The following DIS3 variants were observed in gnomAD, a reference collection of about 807,000 sequenced individuals.
DIS3 encodes the protein exosome complex exonuclease RRP44.
A neutral mutation model predicts 113.0 loss-of-function variants in DIS3; 103 were observed. The observed-to-expected ratio is 0.91, with a 90% CI of 0.78 to 1.07. The LOEUF (loss-of-function observed/expected upper bound fraction) is 1.07, where lower values mean the gene tolerates loss of function less well. Ranked by LOEUF, DIS3 falls within the 50% of genes least tolerant of loss-of-function variation. The probability of loss-of-function intolerance (pLI) is 0.00; values close to 1 mark genes in which losing one functional copy is unlikely to be tolerated. For synonymous variants in DIS3, 402 were observed against 394.3 expected, an observed-to-expected ratio of 1.02 and a Z score of -0.23; for missense variants, 1,121 against 1,167.1, an observed-to-expected ratio of 0.96 and a Z score of 0.58.
In DIS3 at chr13:72,755,156, C is replaced by G; in HGVS notation, c.*4639G>C. 1 of 1,613,656 alleles carries G rather than the reference C, an allele frequency of 6.2e-7. No individual in the cohort carries two copies. Among genetic ancestry groups the G allele is most frequent in the Non-Finnish European group, 8.5e-7 (1 of 1,179,740 alleles). ...TATTGTCTTCTTTTTCACAGCAAGA[C>G]CACACAACACAGAGGTGTTGGATGA... On this transcript the variant is annotated 3_prime_UTR_variant, in exon 21 of 21. Coordinates refer to ENST00000377767, the MANE Select transcript of DIS3 (RefSeq NM_014953.5).
At chr13:72,761,860 T>C (rs2033634051) in intron 17 of DIS3, 46 bp from the exon 18 acceptor site, 1 of 1,611,896 alleles carries the variant, frequency 6.2e-7, no homozygotes. Flanking sequence ...AGTACTAATA[T>C]GTGCTTTTAA....
At chr13:72,763,631 C>T (rs1487108748) in intron 15 of DIS3, 24 bp from the exon 16 acceptor site, 19 of 1,590,356 alleles carry the variant, frequency 1.2e-5, no homozygotes, top group Non-Finnish European at 1.5e-5. Flanking sequence ...AAGCATTAAA[C>T]AAACAAAAAA....
chr13:72,772,774 A>G lies in DIS3; in HGVS notation c.1305T>C (p.Leu435=). The change falls in exon 9 of 21, where the codon CTT becomes CTC. Residue 435 remains leucine (L), a synonymous_variant. Transcript: ENST00000377767. ...EKETETEVLL[L]EHDVPHQPFS... Reference sequence around the variant, plus strand: ...AAGGCTGATGGGGAACATCGTGTTCAAGTAACAAAACTTCTGTTTCAGTCT... The same window carrying G: ...AAGGCTGATGGGGAACATCGTGTTCGAGTAACAAAACTTCTGTTTCAGTCT... The G allele has an allele frequency of 6.2e-7, 1 of 1,613,460 alleles. No individual in the cohort carries two copies. The highest frequency in any genetic ancestry group is 8.5e-7 in the Non-Finnish European group (1 of 1,179,860).
At position 72,754,560 on chromosome 13, in the gene DIS3, T is replaced by C. The variant is rs182244615; in HGVS notation, c.*5235A>G. The C allele has an allele frequency of 6.6e-6, 1 of 152,300 alleles. No individual in the cohort carries two copies. The highest frequency in any genetic ancestry group is 1.9e-4 in the East Asian group (1 of 5,186). 9.4% of individuals were successfully genotyped at this position (152,300 alleles called of 1,614,324 possible). The stretch of plus-strand genomic sequence containing the variant: ...ATAGGGAGGCCACCTTAGTTTTCCT[T>C]TCTGTTGTATGTAGTAGGAGCAAAC... On this transcript the variant is annotated 3_prime_UTR_variant, in exon 21 of 21. Transcript: ENST00000377767.
In DIS3 at chr13:72,770,949, A is replaced by G. The variant is rs374580007; in HGVS notation, c.1710T>C (p.Ala570=). Residue 570 remains alanine, a synonymous_variant, in exon 13 of 21, where the codon GCT becomes GCC. Transcript: ENST00000377767. ...TGGTAAACTTCGTTTTTAAGATTTC[A>G]GCATTGTGATTCATTTCCCAAATAC... ...FSCIWEMNHN[A]EILKTKFTKS... is the part of the protein sequence containing the mutation. 1.6e-5 allele frequency: 25 copies of G among 1,605,198 alleles called. No individual in the cohort carries two copies. Among genetic ancestry groups the G allele is most frequent in the Non-Finnish European group, 2.1e-5 (25 of 1,175,276 alleles).
At chr13:72,775,820 T>C (rs1324897395) in intron 5 of DIS3, 105 bp downstream of exon 5, 3 of 997,848 alleles carry the variant, frequency 3.0e-6, no homozygotes, top group Admixed American at 3.5e-5. Context: ...CTTTAAAGTA[T>C]GTGAAGCCTC....
rs200414324 is a variant in DIS3 at position 72,766,104 on chromosome 13, AAAGAC to A, written c.1884-51_1884-47del. ...AAAATTATAGTCAAGCAAGCCAATAAAAGACAAAAGTATAGAAATTATTCTTTTAA... is the reference window on the plus strand; with the variant it reads ...AAAATTATAGTCAAGCAAGCCAATAAAAAAGTATAGAAATTATTCTTTTAA... On this transcript the variant is annotated intron_variant, in intron 14 of 20. Coordinates refer to ENST00000377767, the MANE Select transcript of DIS3 (RefSeq NM_014953.5). 3,792 of 1,464,618 alleles carry A rather than the reference AAAGAC, an allele frequency of 2.6e-3. 73 individuals carry two copies. In the African/African-American group the frequency reaches 0.04, roughly 15 times the overall value. The allele number at this position is 1,464,618 out of a possible 1,614,324, so 90.7% of individuals were successfully genotyped here. A position where few individuals can be genotyped will look rare whatever the true frequency, so the allele number is the denominator to read the frequency against.
In DIS3 at chr13:72,778,261, A is replaced by C; in HGVS notation, c.506T>G (p.Leu169Arg). 30 of 1,608,228 alleles carry C rather than the reference A, an allele frequency of 1.9e-5. No individual in the cohort carries two copies. The highest frequency in any genetic ancestry group is 2.6e-5 in the Non-Finnish European group (30 of 1,175,670). Reference sequence around the variant, plus strand: ...GTCATTTGTTATGAAGATAACTTGCAGCTGGTTGTCTGCTGACATTTTTTT... The same window carrying C: ...GTCATTTGTTATGAAGATAACTTGCCGCTGGTTGTCTGCTGACATTTTTTT... ...HLKKMSADNQ[L>R]QVIFITNDRR... The change falls in exon 3 of 21, where the codon CTG (leucine) becomes CGG (arginine). Residue 169 changes from leucine (L) to arginine (R), a missense_variant. Physicochemically the swap from Leu to Arg is moderately radical, Grantham distance 102. Coordinates refer to ENST00000377767, the MANE Select transcript of DIS3 (RefSeq NM_014953.5).
chr13:72,766,048 G>C lies in DIS3; in HGVS notation c.1894C>G (p.Leu632Val), dbSNP rs567548107. ...TGGAATCGAACTTCAGGAGAGGATA[G>C]AGTCAAAGCCCTACATAAAAATTAA... ...KRRIEKGALTLSSPEVRFHMD... is the reference protein window; with the variant it reads ...KRRIEKGALTVSSPEVRFHMD... Residue 632 changes from leucine to valine, a missense_variant, in exon 15 of 21, where the codon CTA becomes GTA. By Grantham distance (32) the Leu-to-Val change is conservative. Transcript: ENST00000377767. 1.2e-6 allele frequency: 2 copies of C among 1,608,332 alleles called. No homozygotes were observed. The highest frequency in any genetic ancestry group is 8.5e-7 in the Non-Finnish European group (1 of 1,177,194).
chr13:72,781,874 C>G lies in DIS3; in HGVS notation c.-42G>C, dbSNP rs1260815144. On this transcript the variant is annotated 5_prime_UTR_variant, in exon 1 of 21. Transcript: ENST00000377767. ...GAATCCTAACCCCAGCAGCGCTCTT[C>G]CAGCAAAAGGCGTCAATCTAGAATA... 6.7e-7 allele frequency: 1 copy of G among 1,485,118 alleles called. No homozygotes were observed. Among genetic ancestry groups the G allele is most frequent in the Admixed American group, 2.3e-5 (1 of 43,452 alleles). The allele number at this position is 1,485,118 out of a possible 1,614,324, so 92.0% of individuals were successfully genotyped here.
Position 72,778,186 on chromosome 13 carries a change from C to T in DIS3, c.580+1G>A, listed in dbSNP as rs759564669. 6.4e-6 allele frequency: 10 copies of T among 1,573,734 alleles called. No homozygotes were observed. The highest frequency in any genetic ancestry group is 8.7e-6 in the Non-Finnish European group (10 of 1,149,578). On this transcript the variant is annotated splice_donor_variant, in intron 3 of 20. Coordinates refer to ENST00000377767, the MANE Select transcript of DIS3 (RefSeq NM_014953.5). LOFTEE classifies it high-confidence loss of function. The stretch of plus-strand genomic sequence containing the variant: ...CTAAGTACTTCTACATTTAGACTTA[C>T]AAGTGAAAGCTGGTATTCCTTCTTC...
At position 72,781,650 on chromosome 13, in the gene DIS3, C is replaced by CA; in HGVS notation, c.182_183insT (p.Gln62AlafsTer10). On this transcript the variant is annotated frameshift_variant, in exon 1 of 21. Coordinates refer to ENST00000377767, the MANE Select transcript of DIS3 (RefSeq NM_014953.5). LOFTEE classifies it high-confidence loss of function. Reference sequence around the variant, plus strand: ...TGTCGGGCAGCAAGTAGTGCGGTTGCGGGCAGACGCTGCTCGCCGGGTCCT... The same window carrying CA: ...TGTCGGGCAGCAAGTAGTGCGGTTGCAGGGCAGACGCTGCTCGCCGGGTCCT... 6.5e-7 allele frequency: 1 copy of CA among 1,544,516 alleles called. No homozygotes were observed. Among genetic ancestry groups the CA allele is most frequent in the Non-Finnish European group, 8.7e-7 (1 of 1,143,856 alleles).
chr13:72,781,108 A>G (rs1254766101), intron 1 of DIS3, 105 bp from the exon 2 acceptor site: 9 of 1,370,360 alleles, frequency 6.6e-6, no homozygotes, highest in Non-Finnish European at 9.0e-6. Flanking sequence ...TGTTTTAAAA[A>G]CACTGAATAA....
Position 72,772,212 on chromosome 13 carries a change from T to TACATC in DIS3, c.1445_1449dup (p.Thr484AspfsTer5), listed in dbSNP as rs1187580106. 2.5e-6 allele frequency: 4 copies of TACATC among 1,613,614 alleles called. No homozygotes were observed. The highest frequency in any genetic ancestry group is 1.3e-5 in the African/African-American group (1 of 75,056). On this transcript the variant is annotated frameshift_variant, in exon 10 of 21. Coordinates refer to ENST00000377767, the MANE Select transcript of DIS3 (RefSeq NM_014953.5). LOFTEE classifies it high-confidence loss of function. ...CAATGTAGAGCATCGTCTATATCAGTACATCCTGGTGGGTCTACACTACAA... is the reference window on the plus strand; with the variant it reads ...CAATGTAGAGCATCGTCTATATCAGTACATCACATCCTGGTGGGTCTACACTACAA...
At chr13:72,767,788 T>C (rs1243567817) in intron 14 of DIS3, among the ~76,000 whole-genome samples, 1 of 152,216 alleles carries the variant, frequency 6.6e-6, no homozygotes, top group Admixed American at 6.5e-5. Flanking sequence ...GACACAAATG[T>C]ACAATCCGCA....
Position 72,755,412 on chromosome 13 carries a change from A to G in DIS3, c.*4383T>C, listed in dbSNP as rs926312879. 9.5e-6 allele frequency: 5 copies of G among 527,858 alleles called. No individual in the cohort carries two copies. The highest frequency in any genetic ancestry group is 2.9e-5 in the South Asian group (1 of 34,328). The allele number at this position is 527,858 out of a possible 1,614,324, so 32.7% of individuals were successfully genotyped here. Reference sequence around the variant, plus strand: ...TCCTGGAACTTCAAGTTGCTGAATTATAAGTTTATTTTTTATCAATAAATA... The same window carrying G: ...TCCTGGAACTTCAAGTTGCTGAATTGTAAGTTTATTTTTTATCAATAAATA... On this transcript the variant is annotated 3_prime_UTR_variant, in exon 21 of 21. Coordinates refer to ENST00000377767, the MANE Select transcript of DIS3 (RefSeq NM_014953.5).
At position 72,757,201 on chromosome 13, in the gene DIS3, C is replaced by T. The variant is rs2033500513; in HGVS notation, c.*2594G>A. On this transcript the variant is annotated 3_prime_UTR_variant, in exon 21 of 21. Coordinates refer to ENST00000377767, the MANE Select transcript of DIS3 (RefSeq NM_014953.5). ...CTAAGGCCAGTCATGCACTGCCCTACTTCCCTTTCTTCTCTATTGCAGGTT... is the reference window on the plus strand; with the variant it reads ...CTAAGGCCAGTCATGCACTGCCCTATTTCCCTTTCTTCTCTATTGCAGGTT... The T allele has an allele frequency of 6.6e-6, 1 of 151,794 alleles. No individual in the cohort carries two copies. Among genetic ancestry groups the T allele is most frequent in the Non-Finnish European group, 1.5e-5 (1 of 67,992 alleles). The allele number at this position is 151,794 out of a possible 1,614,324, so 9.4% of individuals were successfully genotyped here.
intron 4 of DIS3, among the ~76,000 whole-genome samples, chr13:72,776,492 T>C (rs983453198): frequency 6.6e-6 from 1 of 152,210 alleles, no homozygotes; most frequent in Non-Finnish European, 1.5e-5. Context: ...TTTGGTTTCA[T>C]AAAGTATCAT....
At chr13:72,766,406 T>G (rs986820668) in intron 14 of DIS3, among the ~76,000 whole-genome samples, 16 of 152,154 alleles carry the variant, frequency 1.1e-4, no homozygotes, top group African/African-American at 2.9e-4. Flanking sequence ...AGAAGGGGAT[T>G]GATTGTATTT....
Sources: allele counts gnomAD v4.1 joint callset (sites outside exome capture counted in the v4.1 genomes callset), GRCh38; gene constraint gnomAD v4.1.1; transcripts MANE v1.5; gene names NCBI Gene and HGNC (gene_info 2026-07-23, HGNC 2026-07-21).